Variants in GPR19 observed in about 807,000 individuals in gnomAD.
GPR19 encodes probable G protein-coupled receptor 19.
Under a neutral mutation model 28.5 loss-of-function variants are expected in GPR19, and 14 were observed. That is an observed-to-expected ratio of 0.49 (90% CI 0.32 to 0.77). GPR19 has a LOEUF of 0.77. Ranked by LOEUF, GPR19 falls within the 30% of genes least tolerant of loss-of-function variation. The pLI, the probability that GPR19 is intolerant of heterozygous loss-of-function variation, is 0.03. For missense variants in GPR19, 409 were observed against 504.1 expected, an observed-to-expected ratio of 0.81 and a Z score of 1.81; for synonymous variants, 173 against 184.1, an observed-to-expected ratio of 0.94 and a Z score of 0.49.
At chr12:12,699,127 G>T (rs936437137), upstream of GPR19, among the ~76,000 whole-genome samples, 1 of 151,974 alleles carries the variant, frequency 6.6e-6, no homozygotes, top group African/African-American at 2.4e-5. Context: ...TGGATCATGA[G>T]GTCAGGAGTT....
At chr12:12,692,411 AG>A in intron 2 of GPR19, among the ~76,000 whole-genome samples, 1 of 151,086 alleles carries the variant, frequency 6.6e-6, no homozygotes, top group African/African-American at 2.4e-5. Flanking sequence ...AATATTAGCC[AG>A]GTTAATGGCG....
upstream of GPR19, among the ~76,000 whole-genome samples, chr12:12,700,417 T>C (rs1946314378): frequency 6.6e-6 from 1 of 152,184 alleles, no homozygotes; most frequent in African/African-American, 2.4e-5. Flanking sequence ...CCATATGATG[T>C]TGCAGACTTC....
At chr12:12,679,030 C>T (rs948616099) in intron 3 of GPR19, among the ~76,000 whole-genome samples, 9 of 152,124 alleles carry the variant, frequency 5.9e-5, no homozygotes, top group African/African-American at 1.9e-4. Context: ...CTCCTGACCT[C>T]GAGTGATCTG....
Position 12,662,373 on chromosome 12 carries a change from G to A in GPR19, c.76C>T (p.Arg26Cys), listed in dbSNP as rs777599600. Reference protein sequence around the residue: ...IPTLLVPLQNRSCTETATPLP... With the variant: ...IPTLLVPLQNCSCTETATPLP... ...GGTGTGGCTGTTTCAGTGCAGCTGC[G>A]GTTTTGGAGGGGCACCAGAAGTGTA... The change falls in exon 4 of 4, where the codon CGC becomes TGC. Residue 26 changes from arginine to cysteine, a missense_variant. Coordinates refer to ENST00000651487, the MANE Select transcript of GPR19 (RefSeq NM_006143.3). The A allele has an allele frequency of 9.9e-6, 16 of 1,614,186 alleles. No homozygotes were observed. The highest frequency in any genetic ancestry group is 5.5e-5 in the South Asian group (5 of 91,088).
chr12:12,683,949 C>G (rs1946057592), intron 3 of GPR19: 1 of 5,036 alleles, frequency 2.0e-4, no homozygotes, highest in Non-Finnish European at 6.0e-3. Context: ...CTTCAGCTCC[C>G]CAAGCCCTGC....
the GPR19 span, among the ~76,000 whole-genome samples, chr12:12,714,754 CCT>C: frequency 6.6e-6 from 1 of 152,202 alleles, no homozygotes; most frequent in African/African-American, 2.4e-5. Context: ...CTCTACGCTC[CCT>C]GTTCCTTCAG....
At chr12:12,709,583 G>A in the GPR19 span, among the ~76,000 whole-genome samples, 9 of 152,068 alleles carry the variant, frequency 5.9e-5, no homozygotes, top group South Asian at 1.7e-3. Context: ...GGGATCACAG[G>A]CACATGCCAC....
At chr12:12,717,080 C>T in the GPR19 span, 1 of 1,009,934 alleles carries the variant, frequency 9.9e-7, no homozygotes. Flanking sequence ...ACCTCAGGCC[C>T]CGCCCCAGGT....
intron 2 of GPR19, among the ~76,000 whole-genome samples, chr12:12,693,508 A>G (rs1200774503): frequency 6.6e-6 from 1 of 152,186 alleles, no homozygotes; most frequent in Non-Finnish European, 1.5e-5. Context: ...TGCTAGATCA[A>G]AAGACCAGCT....
At chr12:12,714,631 G>A in the GPR19 span, among the ~76,000 whole-genome samples, 2 of 152,126 alleles carry the variant, frequency 1.3e-5, no homozygotes, top group Non-Finnish European at 2.9e-5. Flanking sequence ...GCAGTGCAGT[G>A]TAGAGCTTTC....
intron 3 of GPR19, among the ~76,000 whole-genome samples, chr12:12,679,646 C>T (rs1945988947): frequency 8.0e-6 from 1 of 125,100 alleles, no homozygotes; most frequent in Admixed American, 8.1e-5. Context: ...AGAGTGAGAC[C>T]TTGTCTCTGG....
At chr12:12,687,052 G>A (rs1481375087) in intron 2 of GPR19, among the ~76,000 whole-genome samples, 1 of 152,166 alleles carries the variant, frequency 6.6e-6, no homozygotes, top group Non-Finnish European at 1.5e-5. Flanking sequence ...TAAAGAAACA[G>A]TTGTCTTCCA....
chr12:12,682,954 TAAATC>T (rs1172633902), intron 3 of GPR19, among the ~76,000 whole-genome samples: 6 of 152,210 alleles, frequency 3.9e-5, no homozygotes, highest in Non-Finnish European at 7.3e-5. Flanking sequence ...TTTTAAAAAA[TAAATC>T]CAGTCAGTTT....
chr12:12,711,843 T>TA, the GPR19 span, among the ~76,000 whole-genome samples: 2 of 152,214 alleles, frequency 1.3e-5, no homozygotes, highest in Admixed American at 6.5e-5. Flanking sequence ...TCAATCCTCT[T>TA]ATATGTTCCA....
Position 12,661,435 on chromosome 12 carries a change from C to G in GPR19, c.1014G>C (p.Arg338=). Residue 338 remains arginine (R), a synonymous_variant, in exon 4 of 4, where the codon CGG becomes CGC. Transcript: ENST00000651487. This position sits in a 1 kb window ranked among gnomAD's most constrained non-coding sequence, Gnocchi z 4.2. The part of the protein sequence containing the change: ...TLYSIYNANF[R]RGMKETFCMS... ...TGCAAAAAGTCTCTTTCATCCCTCT[C>G]CGAAAATTGGCATTATAAATTGAAT... 6.2e-7 allele frequency: 1 copy of G among 1,613,084 alleles called. No individual in the cohort carries two copies. Among genetic ancestry groups the G allele is most frequent in the South Asian group, 1.1e-5 (1 of 91,056 alleles).
chr12:12,716,674 G>T, the GPR19 span: 1 of 760,178 alleles, frequency 1.3e-6, no homozygotes, highest in Non-Finnish European at 1.6e-6. Context: ...TTGAGTTCAT[G>T]ATAAGTGCCG....
the GPR19 span, among the ~76,000 whole-genome samples, chr12:12,715,319 T>C: frequency 1.3e-5 from 2 of 152,218 alleles, no homozygotes; most frequent in Non-Finnish European, 2.9e-5. Flanking sequence ...TCCAATAAAT[T>C]GACAGCCTTA....
the GPR19 span, among the ~76,000 whole-genome samples, chr12:12,710,644 C>T: frequency 6.6e-6 from 1 of 152,284 alleles, no homozygotes; most frequent in East Asian, 1.9e-4. Flanking sequence ...TCAAATGGTC[C>T]TTCTGTCTCA....
intron 3 of GPR19, among the ~76,000 whole-genome samples, chr12:12,671,093 G>GT (rs1240956859): frequency 6.6e-6 from 1 of 151,706 alleles, no homozygotes; most frequent in Non-Finnish European, 1.5e-5. Flanking sequence ...GAGGTCAGGT[G>GT]TTTAAGACCA....
Sources: gnomAD v4.1 joint callset for allele counts (sites outside exome capture counted in the v4.1 genomes callset) on GRCh38, gnomAD v4.1.1 for gene constraint, Gnocchi (gnomAD v3.1) non-coding constraint, MANE v1.5 for transcripts, NCBI Gene and HGNC (gene_info 2026-07-23, HGNC 2026-07-21) for gene names.